Variants in MOGAT1 observed in about 807,000 individuals in gnomAD.
MOGAT1 encodes monoacylglycerol O-acyltransferase 1, also known as 2-acylglycerol O-acyltransferase 1.
In MOGAT1, 32 loss-of-function variants were observed where a neutral mutation model predicts 31.4. The ratio of observed to expected loss-of-function variants is 1.02; its 90% CI spans 0.77 to 1.37. The LOEUF (loss-of-function observed/expected upper bound fraction) is 1.37, where lower values mean the gene tolerates loss of function less well. Among genes scored for constraint, MOGAT1 ranks in the 40% most tolerant of loss-of-function variants. The pLI is 0.00. For synonymous variants in MOGAT1, 145 were observed against 144.5 expected (o/e 1.00, Z -0.03); for missense variants, 426 against 402.0 (o/e 1.06, Z -0.51).
chr2:222,687,143 AGAACAAGAAAGAAAG>A (rs1559230168), intron 1 of MOGAT1, among the ~76,000 whole-genome samples: 2 of 61,482 alleles, frequency 3.3e-5, no homozygotes, highest in Non-Finnish European at 6.0e-5. Context: ...AAAAAAAGAA[AGAACAAGAAAGAAAG>A]AAAAAATATA....
At chr2:222,694,038 G>T (rs761893895) in intron 3 of MOGAT1, among the ~76,000 whole-genome samples, 1 of 152,144 alleles carries the variant, frequency 6.6e-6, no homozygotes, top group East Asian at 1.9e-4. Flanking sequence ...AGGGGCAGGG[G>T]ATCCTTTTAC....
At position 222,679,945 on chromosome 2, in the gene MOGAT1, A is replaced by G. The variant is rs540930827; in HGVS notation, c.94+8066A>G. 3.9e-5 allele frequency among the ~76,000 whole-genome samples: 6 copies of G among 152,296 alleles called. No individual in the cohort carries two copies. The East Asian group carries it at 5.8e-4, about 15-fold the overall frequency. ...AAAAGCAACCTGAAGTGACATGACA[A>G]TAGCCAATCCACTTTTTCTTCCCTC... On this transcript the variant is annotated intron_variant, in intron 1 of 5. Transcript: ENST00000446656.
chr2:222,689,992 C>T (rs535417859), intron 3 of MOGAT1, among the ~76,000 whole-genome samples: 5 of 152,042 alleles, frequency 3.3e-5, no homozygotes, highest in East Asian at 2.0e-4. Context: ...CGGTGGCTCA[C>T]GCCTGTAATC....
At chr2:222,699,836 G>C (rs532026489) in intron 5 of MOGAT1, among the ~76,000 whole-genome samples, 1 of 152,222 alleles carries the variant, frequency 6.6e-6, no homozygotes, top group Non-Finnish European at 1.5e-5. Context: ...TTCCTTTTAC[G>C]AGATGGTGTC....
In MOGAT1 at chr2:222,689,270, C is replaced by G. The variant is rs1394464321; in HGVS notation, c.279C>G (p.Ile93Met). ...TCAATATGAATGTGCTGTAGCTTAT[C>G]AAAACTCAAGATTTGGATCCAAGTC... ...HFKDYFPIHL[I>M]KTQDLDPSHN... The change falls in exon 3 of 6, where the codon ATC (isoleucine) becomes ATG (methionine). Residue 93 changes from isoleucine to methionine, a missense_variant. Coordinates refer to ENST00000446656, the MANE Select transcript of MOGAT1 (RefSeq NM_058165.3). The G allele has an allele frequency of 1.2e-6, 2 of 1,612,172 alleles. No individual in the cohort carries two copies. Among genetic ancestry groups the G allele is most frequent in the Non-Finnish European group, 8.5e-7 (1 of 1,178,782 alleles).
chr2:222,697,937 G>A (rs896239212), intron 5 of MOGAT1, among the ~76,000 whole-genome samples: 2 of 152,082 alleles, frequency 1.3e-5, no homozygotes, highest in African/African-American at 4.8e-5. Flanking sequence ...AAGGTTCAGA[G>A]GGTGGCACAT....
intron 5 of MOGAT1, among the ~76,000 whole-genome samples, chr2:222,702,931 T>A (rs1052853906): frequency 2.6e-5 from 4 of 152,040 alleles, no homozygotes; most frequent in African/African-American, 9.7e-5. Context: ...AATTTTTCAT[T>A]GTAAAATTAA....
rs1309436262 is a variant in MOGAT1, at chr2:222,709,847, G to C, written c.965G>C (p.Gly322Ala). ...AGGAAATTGTTTGAGGAACACAAAG[G>C]AAAGTATGGCATTCCAGAGCACGAG... ...ELRKLFEEHK[G>A]KYGIPEHETL... Residue 322 changes from glycine (G) to alanine (A), a missense_variant, in exon 6 of 6, where the codon GGA (glycine) becomes GCA (alanine). Transcript: ENST00000446656. 1 of 1,613,172 alleles carries C rather than the reference G, an allele frequency of 6.2e-7. No individual in the cohort carries two copies. The highest frequency in any genetic ancestry group is 2.2e-5 in the East Asian group (1 of 44,880).
rs1692810797 is a variant in MOGAT1, at chr2:222,694,425, T to G, written c.542T>G (p.Ile181Ser). The G allele has an allele frequency of 6.2e-7, 1 of 1,613,844 alleles. No homozygotes were observed. The highest frequency in any genetic ancestry group is 8.5e-7 in the Non-Finnish European group (1 of 1,179,774). ...YMVSKEGGGN[I>S]SVIVLGGAKE... is the part of the protein sequence containing the mutation. ...GTAAGCAAGGAGGGAGGTGGAAACA[T>G]CTCTGTCATTGTCCTTGGGGGTGCA... Residue 181 changes from isoleucine to serine, a missense_variant, in exon 4 of 6, where the codon ATC becomes AGC. Physicochemically the swap from Ile to Ser is moderately radical, Grantham distance 142. Coordinates refer to ENST00000446656, the MANE Select transcript of MOGAT1 (RefSeq NM_058165.3).
chr2:222,699,703 T>G (rs1274229920), intron 5 of MOGAT1, among the ~76,000 whole-genome samples: 1 of 151,864 alleles, frequency 6.6e-6, no homozygotes, highest in Admixed American at 6.6e-5. Context: ...TTTCACTGTG[T>G]TAGCCAGGAT....
intron 1 of MOGAT1, among the ~76,000 whole-genome samples, chr2:222,687,848 C>A (rs1184979775): frequency 1.3e-5 from 2 of 152,220 alleles, no homozygotes; most frequent in Non-Finnish European, 2.9e-5. Context: ...AAATTCTCTA[C>A]ATCCCTCCTG....
intron 5 of MOGAT1, among the ~76,000 whole-genome samples, chr2:222,702,864 C>A (rs1692946800): frequency 6.7e-6 from 1 of 149,752 alleles, no homozygotes; most frequent in African/African-American, 2.4e-5. Flanking sequence ...AAACAAAAAA[C>A]TGACTAAGTA....
At chr2:222,687,142 AAGAACAAG>A (rs1692685982) in intron 1 of MOGAT1, among the ~76,000 whole-genome samples, 1 of 60,940 alleles carries the variant, frequency 1.6e-5, no homozygotes, top group Non-Finnish European at 3.1e-5. Flanking sequence ...AAAAAAAAGA[AAGAACAAG>A]AAAGAAAGAA....
At chr2:222,684,001 A>G (rs1692624710) in intron 1 of MOGAT1, among the ~76,000 whole-genome samples, 3 of 152,238 alleles carry the variant, frequency 2.0e-5, no homozygotes, top group Admixed American at 6.5e-5. Flanking sequence ...ACTCCAATTT[A>G]GAAGAATCAG....
intron 5 of MOGAT1, among the ~76,000 whole-genome samples, chr2:222,706,220 C>G (rs928042646): frequency 6.6e-6 from 1 of 152,100 alleles, no homozygotes; most frequent in African/African-American, 2.4e-5. Context: ...CGCCTATAAT[C>G]CCAGCACTTT....
At position 222,689,434 on chromosome 2, in the gene MOGAT1, G is replaced by C; in HGVS notation, c.443G>C (p.Trp148Ser). ...SYLHVLPLWF[W>S]CPVFREYVMS... ...CTTCACGTGCTGCCACTTTGGTTCT[G>C]GTGTCCTGTCTTTCGAGAATATGTG... is the stretch of plus-strand genomic sequence containing the variant. The change falls in exon 3 of 6, where the codon TGG becomes TCG. Residue 148 changes from tryptophan to serine, a missense_variant. Transcript: ENST00000446656. 1 of 1,613,988 alleles carries C rather than the reference G, an allele frequency of 6.2e-7. No homozygotes were observed. Among genetic ancestry groups the C allele is most frequent in the Non-Finnish European group, 8.5e-7 (1 of 1,179,880 alleles).
At chr2:222,701,537 A>G (rs1293035705) in intron 5 of MOGAT1, among the ~76,000 whole-genome samples, 2 of 142,396 alleles carry the variant, frequency 1.4e-5, no homozygotes, top group African/African-American at 2.7e-5. Flanking sequence ...AAGAAAGAGA[A>G]AGAAAAAAGA....
At chr2:222,705,626 T>A (rs1692994254) in intron 5 of MOGAT1, among the ~76,000 whole-genome samples, 1 of 149,694 alleles carries the variant, frequency 6.7e-6, no homozygotes, top group African/African-American at 2.6e-5. Flanking sequence ...TCATTCGGGT[T>A]TGTGGTGTTT....
At chr2:222,673,106 T>A (rs1385111597) in intron 1 of MOGAT1, among the ~76,000 whole-genome samples, 4 of 150,984 alleles carry the variant, frequency 2.6e-5, no homozygotes, top group African/African-American at 7.3e-5. Context: ...AGAGACGGGG[T>A]TTCTCCATGT....
Sources: allele counts gnomAD v4.1 joint callset (sites outside exome capture counted in the v4.1 genomes callset), GRCh38; gene constraint gnomAD v4.1.1; transcripts MANE v1.5; gene names NCBI Gene and HGNC (gene_info 2026-07-23, HGNC 2026-07-21).